ANKS1B: variants seen among roughly 807,000 people sequenced by gnomAD.
The protein encoded by ANKS1B is ankyrin repeat and sterile alpha motif domain-containing protein 1B.
In ANKS1B, 36 loss-of-function variants were observed where a neutral mutation model predicts 148.3. The observed-to-expected ratio is 0.24, with a 90% CI of 0.19 to 0.32. The LOEUF is 0.32. Among genes scored for constraint, ANKS1B ranks in the 10% least tolerant of loss-of-function variants. ANKS1B has a pLI of 1.00. For synonymous variants in ANKS1B, 542 were observed against 560.8 expected (o/e 0.97, Z 0.47); for missense variants, 1,157 against 1,542.6 (o/e 0.75, Z 4.19).
chr12:99,467,262 A>G (rs567557222), intron 10 of ANKS1B, among the ~76,000 whole-genome samples: 1 of 152,306 alleles, frequency 6.6e-6, no homozygotes, highest in African/African-American at 2.4e-5. Context: ...AAAACTCTCA[A>G]TAAATTAGGT....
At chr12:98,864,174 C>T (rs2099613313) in intron 17 of ANKS1B, among the ~76,000 whole-genome samples, 1 of 150,560 alleles carries the variant, frequency 6.6e-6, no homozygotes. Flanking sequence ...TTTATTGATA[C>T]ATAATATTTG....
intron 9 of ANKS1B, among the ~76,000 whole-genome samples, chr12:99,619,560 T>C (rs992747287): frequency 2.0e-5 from 3 of 151,928 alleles, no homozygotes; most frequent in Non-Finnish European, 2.9e-5. Context: ...CACGGCTCTC[T>C]CTACTCACGT....
intron 17 of ANKS1B, among the ~76,000 whole-genome samples, chr12:98,960,792 A>G (rs1233709285): frequency 1.3e-5 from 2 of 152,208 alleles, no homozygotes; most frequent in African/African-American, 4.8e-5. Flanking sequence ...TCTATCAGAT[A>G]CATTTAACAA....
chr12:99,865,892 C>G (rs1017033750), intron 1 of ANKS1B, among the ~76,000 whole-genome samples: 5 of 151,938 alleles, frequency 3.3e-5, no homozygotes, highest in Non-Finnish European at 7.4e-5. Context: ...TTAGAGAATT[C>G]CCTCCTCTCT....
At chr12:99,520,956 C>A (rs1281588177) in intron 9 of ANKS1B, among the ~76,000 whole-genome samples, 2 of 152,004 alleles carry the variant, frequency 1.3e-5, no homozygotes, top group African/African-American at 4.8e-5. Flanking sequence ...CCACCATGCC[C>A]AGCTAATTTT....
chr12:99,805,466 A>G (rs2067519519), intron 4 of ANKS1B, among the ~76,000 whole-genome samples: 1 of 151,666 alleles, frequency 6.6e-6, no homozygotes, highest in Non-Finnish European at 1.5e-5. Flanking sequence ...TCTACAAAAA[A>G]TACAAAACTT....
intron 9 of ANKS1B, among the ~76,000 whole-genome samples, chr12:99,533,787 T>C (rs2097029544): frequency 1.3e-5 from 2 of 152,334 alleles, no homozygotes; most frequent in African/African-American, 2.4e-5. Context: ...GCTTCTATTT[T>C]ATGCTTCACA....
At chr12:99,091,830 A>G (rs2054107892) in intron 15 of ANKS1B, among the ~76,000 whole-genome samples, 1 of 152,140 alleles carries the variant, frequency 6.6e-6, no homozygotes, top group Non-Finnish European at 1.5e-5. Flanking sequence ...TTGTTCCCAT[A>G]GCTGATAGGA....
chr12:99,609,383 G>A lies in ANKS1B; in HGVS notation c.1272+45684C>T, dbSNP rs977351285. On this transcript the variant is annotated intron_variant, in intron 9 of 26. Coordinates refer to ENST00000683438, the MANE Select transcript of ANKS1B (RefSeq NM_001352186.2). ...GTAAGTCTTTTACGACTTAACCAGT[G>A]ATGAGAGAGACGTCCTCAAGAGGGT... is the stretch of plus-strand genomic sequence containing the variant. 6.6e-5 allele frequency among the ~76,000 whole-genome samples: 10 copies of A among 151,844 alleles called. 1 individual carries two copies. Among genetic ancestry groups the A allele is most frequent in the Non-Finnish European group, 1.3e-4 (9 of 67,962 alleles).
At chr12:99,044,266 A>G (rs1365960865) in intron 17 of ANKS1B, among the ~76,000 whole-genome samples, 5 of 150,530 alleles carry the variant, frequency 3.3e-5, no homozygotes, top group African/African-American at 1.2e-4. Flanking sequence ...AAAATACTTT[A>G]AAGAACAAAA....
intron 8 of ANKS1B, among the ~76,000 whole-genome samples, chr12:99,703,268 G>T (rs1489618652): frequency 1.3e-5 from 2 of 152,076 alleles, no homozygotes; most frequent in Non-Finnish European, 2.9e-5. Flanking sequence ...TGGTTTGCCT[G>T]AAACTAAAGG....
At chr12:99,633,485 T>C (rs1463508834) in intron 9 of ANKS1B, among the ~76,000 whole-genome samples, 3 of 152,070 alleles carry the variant, frequency 2.0e-5, no homozygotes, top group Admixed American at 2.0e-4. Context: ...AAAAATTAAT[T>C]CGAGATGGAT....
chr12:98,988,294 T>C (rs908953255), intron 17 of ANKS1B, among the ~76,000 whole-genome samples: 1 of 152,166 alleles, frequency 6.6e-6, no homozygotes, highest in African/African-American at 2.4e-5. Flanking sequence ...GTAATCACCA[T>C]TCTACTCTCT....
intron 9 of ANKS1B, among the ~76,000 whole-genome samples, chr12:99,632,800 T>C (rs1598473197): frequency 7.3e-6 from 1 of 137,032 alleles, no homozygotes; most frequent in Non-Finnish European, 1.6e-5. Context: ...AGGGTACATG[T>C]GCACAATGTG....
intron 14 of ANKS1B, among the ~76,000 whole-genome samples, chr12:99,183,779 A>G (rs1293330548): frequency 1.3e-5 from 2 of 152,216 alleles, no homozygotes; most frequent in African/African-American, 4.8e-5. Flanking sequence ...TGAATCTCCA[A>G]TAAGGGTTAT....
chr12:99,264,890 T>C (rs2076286337), intron 12 of ANKS1B, among the ~76,000 whole-genome samples: 1 of 152,116 alleles, frequency 6.6e-6, no homozygotes, highest in Admixed American at 6.6e-5. Flanking sequence ...AGTACAAATG[T>C]GCCTCCTGCA....
intron 12 of ANKS1B, among the ~76,000 whole-genome samples, chr12:99,288,997 C>T (rs1400613180): frequency 6.6e-6 from 1 of 151,818 alleles, no homozygotes; most frequent in Non-Finnish European, 1.5e-5. Flanking sequence ...CATTGATCCG[C>T]TACAAGAAAA....
chr12:99,725,675 C>A (rs531997447), intron 8 of ANKS1B, among the ~76,000 whole-genome samples: 1 of 152,012 alleles, frequency 6.6e-6, no homozygotes, highest in Non-Finnish European at 1.5e-5. Flanking sequence ...TCTACAGAAC[C>A]CTCCACACCA....
At chr12:99,278,580 C>T (rs1015741901) in intron 12 of ANKS1B, among the ~76,000 whole-genome samples, 1 of 152,120 alleles carries the variant, frequency 6.6e-6, no homozygotes, top group Admixed American at 6.6e-5. Flanking sequence ...TCTTACACAT[C>T]CTTCAAGACC....
Sources: allele counts gnomAD v4.1 joint callset (sites outside exome capture counted in the v4.1 genomes callset), GRCh38; gene constraint gnomAD v4.1.1; transcripts MANE v1.5; gene names NCBI Gene and HGNC (gene_info 2026-07-23, HGNC 2026-07-21).